PRELID2: variants seen among roughly 807,000 people sequenced by gnomAD.
The protein encoded by PRELID2 is PRELI domain containing 2.
Under a neutral mutation model 28.4 loss-of-function variants are expected in PRELID2, and 25 were observed. That is an observed-to-expected ratio of 0.88 (90% confidence interval 0.64 to 1.23). The LOEUF is 1.23. Ranked by LOEUF, PRELID2 falls within the 50% of genes most tolerant of loss-of-function variation. The pLI is 0.00. For synonymous variants in PRELID2, 76 were observed against 71.6 expected, an observed-to-expected ratio of 1.06 and a Z score of -0.31; for missense variants, 201 against 214.4, an observed-to-expected ratio of 0.94 and a Z score of 0.39.
At chr5:145,528,654 C>T (rs1223327169) in intron 1 of PRELID2, among the ~76,000 whole-genome samples, 2 of 147,110 alleles carry the variant, frequency 1.4e-5, no homozygotes, top group Admixed American at 6.8e-5. Context: ...AATCAAAATG[C>T]CATTCTGCTT....
intron 1 of PRELID2, among the ~76,000 whole-genome samples, chr5:145,646,685 G>A (rs12332327): frequency 0.032 from 4,857 of 152,156 alleles, 279 homozygotes; most frequent in African/African-American, 0.11. Context: ...TCTACCTTTG[G>A]TCTTTGATGT....
At chr5:145,383,993 C>T in the PRELID2 span, among the ~76,000 whole-genome samples, 1 of 151,902 alleles carries the variant, frequency 6.6e-6, no homozygotes, top group Non-Finnish European at 1.5e-5. Context: ...ACAAACAATT[C>T]AATTTAAAAC....
At chr5:145,331,789 T>A in the PRELID2 span, among the ~76,000 whole-genome samples, 2 of 152,340 alleles carry the variant, frequency 1.3e-5, no homozygotes, top group South Asian at 2.1e-4. Context: ...AATATTGTTA[T>A]GTGTAAATTT....
At chr5:145,653,989 G>C (rs1451845731) in intron 1 of PRELID2, among the ~76,000 whole-genome samples, 1 of 152,006 alleles carries the variant, frequency 6.6e-6, no homozygotes, top group Admixed American at 6.6e-5. Context: ...CAATAAAATT[G>C]ATAGATCGCT....
the PRELID2 span, among the ~76,000 whole-genome samples, chr5:145,421,038 T>C: frequency 1.3e-5 from 2 of 149,828 alleles, no homozygotes; most frequent in Non-Finnish European, 3.0e-5. Context: ...ATTACATTTA[T>C]TGATTTGCGT....
intron 3 of PRELID2, chr5:145,819,442 C>T: frequency 6.6e-7 from 1 of 1,508,820 alleles, no homozygotes; most frequent in Middle Eastern, 1.7e-4. Flanking sequence ...AATTTGCTAT[C>T]ATGAAGATTT....
At chr5:145,520,797 T>C (rs1023221997) in intron 1 of PRELID2, among the ~76,000 whole-genome samples, 5 of 152,200 alleles carry the variant, frequency 3.3e-5, no homozygotes, top group African/African-American at 1.2e-4. Context: ...CATATTATCA[T>C]CTCATCCCTA....
the PRELID2 span, among the ~76,000 whole-genome samples, chr5:145,343,117 C>CA: frequency 1.5e-4 from 23 of 150,112 alleles, no homozygotes; most frequent in South Asian, 1.3e-3. Context: ...ATCATCTAGA[C>CA]AAAAAAAAAT....
intron 5 of PRELID2, among the ~76,000 whole-genome samples, chr5:145,793,319 G>GA (rs1025918247): frequency 3.9e-5 from 6 of 151,988 alleles, no homozygotes; most frequent in East Asian, 1.9e-4. Context: ...GATTTTTCTG[G>GA]AAAAAAATAG....
At chr5:145,745,093 A>C (rs2149745309) in intron 1 of PRELID2, among the ~76,000 whole-genome samples, 1 of 152,062 alleles carries the variant, frequency 6.6e-6, no homozygotes, top group Middle Eastern at 3.4e-3. Context: ...GAATCGACCA[A>C]GCAGAAGAAA....
chr5:145,358,151 T>C, the PRELID2 span, among the ~76,000 whole-genome samples: 4 of 152,098 alleles, frequency 2.6e-5, no homozygotes, highest in Admixed American at 2.6e-4. Flanking sequence ...CCTTATCTGC[T>C]GTCTCAGTGC....
chr5:145,423,458 C>A, the PRELID2 span, among the ~76,000 whole-genome samples: 1 of 152,078 alleles, frequency 6.6e-6, no homozygotes, highest in Non-Finnish European at 1.5e-5. Context: ...TTTCTCTGGA[C>A]TTCCCTTCTC....
At chr5:145,287,105 G>T in the PRELID2 span, among the ~76,000 whole-genome samples, 332 of 152,172 alleles carry the variant, frequency 2.2e-3, 2 homozygotes, top group African/African-American at 7.7e-3. Context: ...AAAATATAGT[G>T]ATCTCCTGTT....
At chr5:145,727,890 A>G (rs1001269665) in intron 1 of PRELID2, among the ~76,000 whole-genome samples, 1 of 152,204 alleles carries the variant, frequency 6.6e-6, no homozygotes, top group African/African-American at 2.4e-5. Context: ...GTGTGTATTT[A>G]TATCAAGAGT....
chr5:145,670,483 G>T (rs1411673264), intron 1 of PRELID2, among the ~76,000 whole-genome samples: 1 of 152,086 alleles, frequency 6.6e-6, no homozygotes, highest in Non-Finnish European at 1.5e-5. Context: ...ACCCATGAAG[G>T]CAGGGATGGA....
chr5:145,581,260 C>G (rs1753104899), intron 1 of PRELID2, among the ~76,000 whole-genome samples: 3 of 152,048 alleles, frequency 2.0e-5, no homozygotes, highest in African/African-American at 7.2e-5. Context: ...ACAGCCTGTC[C>G]TCTGCCTTTC....
At chr5:145,817,216 A>AAAT (rs1754400328) in intron 4 of PRELID2, among the ~76,000 whole-genome samples, 1 of 67,164 alleles carries the variant, frequency 1.5e-5, no homozygotes, top group Admixed American at 1.8e-4. Flanking sequence ...AATAAATAAA[A>AAAT]AAAAATATAT....
chr5:145,284,874 A>G, the PRELID2 span, among the ~76,000 whole-genome samples: 1 of 152,168 alleles, frequency 6.6e-6, no homozygotes, highest in African/African-American at 2.4e-5. Context: ...ATTCCTTAGA[A>G]GAATTTAATT....
At chr5:145,628,925 C>A (rs561485267) in intron 1 of PRELID2, among the ~76,000 whole-genome samples, 2 of 152,224 alleles carry the variant, frequency 1.3e-5, no homozygotes, top group East Asian at 3.9e-4. Flanking sequence ...TGCTTTTAGC[C>A]CAGCACAGCT....
Sources: allele counts gnomAD v4.1 joint callset (sites outside exome capture counted in the v4.1 genomes callset), GRCh38; gene constraint gnomAD v4.1.1; transcripts MANE v1.5; gene names NCBI Gene and HGNC (gene_info 2026-07-23, HGNC 2026-07-21).